SLC35F1: variants seen among roughly 807,000 people sequenced by gnomAD.
The protein encoded by SLC35F1 is chromosome 6 open reading frame 169.
SLC35F1 carries 14 observed loss-of-function variants against 48.7 expected under a neutral mutation model. The observed-to-expected ratio is 0.29, with a 90% CI of 0.19 to 0.45. The LOEUF (loss-of-function observed/expected upper bound fraction) is 0.45, where lower values mean the gene tolerates loss of function less well. Among genes scored for constraint, SLC35F1 ranks in the 20% least tolerant of loss-of-function variants. The pLI, the probability that SLC35F1 is intolerant of heterozygous loss-of-function variation, is 1.00. For missense variants in SLC35F1, 404 were observed against 500.0 expected, an observed-to-expected ratio of 0.81 and a Z score of 1.83; for synonymous variants, 190 against 202.2, an observed-to-expected ratio of 0.94 and a Z score of 0.51.
At chr6:118,081,949 T>G (rs538750794) in intron 1 of SLC35F1, among the ~76,000 whole-genome samples, 1 of 152,330 alleles carries the variant, frequency 6.6e-6, no homozygotes, top group African/African-American at 2.4e-5. Flanking sequence ...CATAAAAACT[T>G]TTAAAGACCC....
At chr6:117,923,675 G>GTACATATGTACATATATGTATATA (rs1562238724) in intron 1 of SLC35F1, among the ~76,000 whole-genome samples, 463 of 36,298 alleles carry the variant, frequency 0.013, 79 homozygotes, top group Middle Eastern at 0.05. Flanking sequence ...ATACATATAT[G>GTACATATGTACATATATGTATATA]TACATATATA....
chr6:117,979,041 A>G (rs1024533153), intron 1 of SLC35F1, among the ~76,000 whole-genome samples: 5 of 152,156 alleles, frequency 3.3e-5, no homozygotes, highest in Non-Finnish European at 5.9e-5. Flanking sequence ...CCGCATGCCT[A>G]GTGTTATTAA....
intron 1 of SLC35F1, among the ~76,000 whole-genome samples, chr6:118,002,891 A>G (rs1777122935): frequency 6.6e-6 from 1 of 152,070 alleles, no homozygotes; most frequent in East Asian, 1.9e-4. Context: ...CAACCATGCT[A>G]TTATCAGATC....
intron 1 of SLC35F1, among the ~76,000 whole-genome samples, chr6:117,918,503 TTCTC>T (rs1775855421): frequency 2.0e-5 from 3 of 152,214 alleles, no homozygotes; most frequent in South Asian, 4.1e-4. Context: ...TGGCTTCTCT[TTCTC>T]TGTGAACTCT....
intron 1 of SLC35F1, among the ~76,000 whole-genome samples, chr6:117,928,842 A>G (rs1776062777): frequency 6.6e-6 from 1 of 152,178 alleles, no homozygotes; most frequent in African/African-American, 2.4e-5. Flanking sequence ...GGGTTGGAGA[A>G]CAGCTAGGTA....
chr6:117,995,841 T>C (rs1776979932), intron 1 of SLC35F1, among the ~76,000 whole-genome samples: 1 of 152,228 alleles, frequency 6.6e-6, no homozygotes. Flanking sequence ...TAATTGGACA[T>C]AGATTGGATG....
At chr6:118,087,402 T>G (rs1043469752) in intron 1 of SLC35F1, among the ~76,000 whole-genome samples, 2 of 152,148 alleles carry the variant, frequency 1.3e-5, no homozygotes, top group South Asian at 2.1e-4. Context: ...ACATATTCGT[T>G]TTGAGGAGAT....
At chr6:118,296,699 T>C (rs1776189530) in intron 7 of SLC35F1, among the ~76,000 whole-genome samples, 1 of 152,160 alleles carries the variant, frequency 6.6e-6, no homozygotes, top group Non-Finnish European at 1.5e-5. Context: ...TGAGGAAAGA[T>C]TGAACGGGCT....
rs544011768 is a variant in SLC35F1 at position 118,103,200 on chromosome 6, G to A, written c.174-51245G>A. 2.6e-5 allele frequency among the ~76,000 whole-genome samples: 4 copies of A among 152,264 alleles called. No individual in the cohort carries two copies. In the South Asian group the frequency reaches 8.3e-4, roughly 32 times the overall value. On this transcript the variant is annotated intron_variant, in intron 1 of 7. Coordinates refer to ENST00000360388, the MANE Select transcript of SLC35F1 (RefSeq NM_001029858.4). ...AGTTGATGGCTAATTTGTCTTATGA[G>A]CTGTCAACTTAGTGACCTCCTGCTT...
intron 1 of SLC35F1, among the ~76,000 whole-genome samples, chr6:118,027,151 T>A (rs545370606): frequency 6.6e-6 from 1 of 152,302 alleles, no homozygotes; most frequent in Admixed American, 6.5e-5. Flanking sequence ...TTTATTTTTA[T>A]CACTGAAATA....
At chr6:117,962,471 C>T (rs115497371) in intron 1 of SLC35F1, among the ~76,000 whole-genome samples, 1 of 152,158 alleles carries the variant, frequency 6.6e-6, no homozygotes, top group Non-Finnish European at 1.5e-5. Context: ...TCCTTGAACA[C>T]CACCACACAC....
Position 118,315,142 on chromosome 6 carries a change from T to G in SLC35F1, c.*890T>G, listed in dbSNP as rs1776416668. The G allele has an allele frequency of 6.6e-6, 1 of 152,642 alleles. No homozygotes were observed. Among genetic ancestry groups the G allele is most frequent in the Non-Finnish European group, 1.5e-5 (1 of 68,040 alleles). 9.5% of individuals were successfully genotyped at this position (152,642 alleles called of 1,614,324 possible). A position where few individuals can be genotyped will look rare whatever the true frequency, so the allele number is the denominator to read the frequency against. ...TCTTTTATTTTTTTTCCAGATTTCC[T>G]TAGTGATAATATGGAAATTAATCAA... On this transcript the variant is annotated 3_prime_UTR_variant, in exon 8 of 8. Coordinates refer to ENST00000360388, the MANE Select transcript of SLC35F1 (RefSeq NM_001029858.4).
chr6:118,060,204 T>G (rs1772518472), intron 1 of SLC35F1, among the ~76,000 whole-genome samples: 1 of 152,172 alleles, frequency 6.6e-6, no homozygotes, highest in Non-Finnish European at 1.5e-5. Flanking sequence ...TTGTGAGGAC[T>G]AATAGATGCC....
intron 2 of SLC35F1, among the ~76,000 whole-genome samples, chr6:118,202,773 G>C (rs1774887958): frequency 6.6e-6 from 1 of 152,290 alleles, no homozygotes; most frequent in Admixed American, 6.5e-5. Context: ...CCATTACATA[G>C]ACCTGAGTGA....
At chr6:118,244,199 C>G (rs1003064705) in intron 3 of SLC35F1, among the ~76,000 whole-genome samples, 1 of 152,348 alleles carries the variant, frequency 6.6e-6, no homozygotes, top group South Asian at 2.1e-4. Context: ...TCTTTAAATG[C>G]ATTCTCCATG....
intron 1 of SLC35F1, among the ~76,000 whole-genome samples, chr6:117,955,897 G>GA (rs1776421227): frequency 6.6e-6 from 1 of 152,182 alleles, no homozygotes; most frequent in African/African-American, 2.4e-5. Flanking sequence ...TGAAAACATA[G>GA]AACTAAGCAC....
chr6:118,061,142 G>T (rs1772530858), intron 1 of SLC35F1, among the ~76,000 whole-genome samples: 1 of 152,194 alleles, frequency 6.6e-6, no homozygotes, highest in Non-Finnish European at 1.5e-5. Flanking sequence ...CTGCCTTCCT[G>T]TACTAAGGTG....
In SLC35F1 at chr6:118,233,606, T is replaced by C. The variant is rs144523433; in HGVS notation, c.350-1903T>C. Among the ~76,000 whole-genome samples the C allele has an allele frequency of 5.2e-3, 785 of 152,340 alleles. 12 individuals carry two copies. Among genetic ancestry groups the C allele is most frequent in the African/African-American group, 0.018 (738 of 41,574 alleles). On this transcript the variant is annotated intron_variant, in intron 2 of 7. Transcript: ENST00000360388. The stretch of plus-strand genomic sequence containing the variant: ...AGCTAACCCTTGCTATATGTCAGTA[T>C]GCTAGAGGCTATGGATAAGTATATG...
intron 1 of SLC35F1, among the ~76,000 whole-genome samples, chr6:118,060,947 C>CA (rs1772528072): frequency 2.6e-5 from 4 of 152,340 alleles, no homozygotes; most frequent in African/African-American, 9.6e-5. Flanking sequence ...CACCATAGCC[C>CA]AGTCACTCAC....
Sources: allele counts gnomAD v4.1 joint callset (sites outside exome capture counted in the v4.1 genomes callset), GRCh38; gene constraint gnomAD v4.1.1; transcripts MANE v1.5; gene names NCBI Gene and HGNC (gene_info 2026-07-23, HGNC 2026-07-21).